CLIC4: variants seen among roughly 807,000 people sequenced by gnomAD.
CLIC4 encodes CLIC family member 4.
A neutral mutation model predicts 24.6 loss-of-function variants in CLIC4; 13 were observed. The ratio of observed to expected loss-of-function variants is 0.53; its 90% CI spans 0.34 to 0.84. The LOEUF (loss-of-function observed/expected upper bound fraction) is 0.84. Among genes scored for constraint, CLIC4 ranks in the 40% least tolerant of loss-of-function variants. CLIC4 has a pLI of 0.01. For synonymous variants in CLIC4, 104 were observed against 111.3 expected (o/e 0.93, Z 0.41); for missense variants, 227 against 301.7 (o/e 0.75, Z 1.83).
rs974317834 is a variant in CLIC4, at chr1:24,769,646, A to G, written c.72+24021A>G. ...TCACCCTGAAAAAAAAATTCTGAGAATATTTAAGGATATTTCTAAAACATA... is the reference window on the plus strand; with the variant it reads ...TCACCCTGAAAAAAAAATTCTGAGAGTATTTAAGGATATTTCTAAAACATA... On this transcript the variant is annotated intron_variant, in intron 1 of 5. Coordinates refer to ENST00000374379, the MANE Select transcript of CLIC4 (RefSeq NM_013943.3). Among the ~76,000 whole-genome samples, 3 of 152,164 alleles carry G rather than the reference A, an allele frequency of 2.0e-5. No homozygotes were observed. The South Asian group carries it at 6.2e-4, about 31-fold the overall frequency.
At chr1:24,768,427 TAAAG>T (rs755449091) in intron 1 of CLIC4, among the ~76,000 whole-genome samples, 5 of 152,204 alleles carry the variant, frequency 3.3e-5, no homozygotes, top group African/African-American at 9.7e-5. Context: ...ACATTTCTCT[TAAAG>T]AGAAGAGATT....
rs758409551 is a variant in CLIC4, at chr1:24,840,040, A to G, written c.596A>G (p.Lys199Arg). 2 of 1,613,794 alleles carry G rather than the reference A, an allele frequency of 1.2e-6. No homozygotes were observed. Among genetic ancestry groups the G allele is most frequent in the South Asian group, 2.2e-5 (2 of 91,038 alleles). Residue 199 changes from lysine (K) to arginine (R), a missense_variant and splice_region_variant, in exon 5 of 6, where the codon AAG becomes AGG. Transcript: ENST00000374379. ...CTGCTGCCCAAACTGCATATTGTCAAGGTAGGTCTGTAGGGGTTGATGTCG... is the reference window on the plus strand; with the variant it reads ...CTGCTGCCCAAACTGCATATTGTCAGGGTAGGTCTGTAGGGGTTGATGTCG... ...CNLLPKLHIV[K>R]VVAKKYRNFD... is the part of the protein sequence containing the mutation.
chr1:24,839,399 A>G (rs1164652849), intron 4 of CLIC4, among the ~76,000 whole-genome samples: 5 of 152,108 alleles, frequency 3.3e-5, no homozygotes, highest in Non-Finnish European at 7.4e-5. Context: ...TCCCGGGTTC[A>G]CGCCATTCTC....
At chr1:24,814,912 T>C (rs1639653251) in intron 3 of CLIC4, among the ~76,000 whole-genome samples, 1 of 152,242 alleles carries the variant, frequency 6.6e-6, no homozygotes, top group African/African-American at 2.4e-5. Context: ...TTCTTACTGG[T>C]TAACTTGACT....
chr1:24,825,707 A>G (rs867893066), intron 3 of CLIC4, among the ~76,000 whole-genome samples: 4 of 152,212 alleles, frequency 2.6e-5, no homozygotes, highest in Non-Finnish European at 5.9e-5. Context: ...ACTCTGCCCA[A>G]TATTTAGAAG....
In CLIC4 at chr1:24,771,852, A is replaced by G. The variant is rs549629613; in HGVS notation, c.73-25890A>G. On this transcript the variant is annotated intron_variant, in intron 1 of 5. Coordinates refer to ENST00000374379, the MANE Select transcript of CLIC4 (RefSeq NM_013943.3). ...AACTGGAAGGCCAGGTTCAAGTCCT[A>G]TGTGTATCCTAATTGATCTGCTACC... The G allele has an allele frequency of 2.0e-4, 105 of 514,848 alleles. 1 individual carries two copies. The highest frequency in any genetic ancestry group is 1.6e-4 in the South Asian group (11 of 70,900). The allele number at this position is 514,848 out of a possible 1,614,324, so 31.9% of individuals were successfully genotyped here.
chr1:24,797,149 T>C (rs1639414029), intron 1 of CLIC4, among the ~76,000 whole-genome samples: 1 of 151,122 alleles, frequency 6.6e-6, no homozygotes, highest in Admixed American at 6.6e-5. Flanking sequence ...AGATGGGGTT[T>C]CACCATATTG....
chr1:24,813,949 G>T, intron 2 of CLIC4, 145 bp from the exon 3 acceptor site: 2 of 859,676 alleles, frequency 2.3e-6, no homozygotes, highest in Non-Finnish European at 3.8e-6. Context: ...AAACTCCTGG[G>T]CTAAGCAGTG....
At chr1:24,758,603 C>G (rs1301749212) in intron 1 of CLIC4, among the ~76,000 whole-genome samples, 1 of 151,980 alleles carries the variant, frequency 6.6e-6, no homozygotes. Context: ...ACTAGAGACA[C>G]GTACCACCAT....
intron 1 of CLIC4, among the ~76,000 whole-genome samples, chr1:24,793,620 A>G (rs1269091346): frequency 6.6e-6 from 1 of 152,188 alleles, no homozygotes; most frequent in Non-Finnish European, 1.5e-5. Flanking sequence ...ACATTTTTGT[A>G]CAAGTTATAT....
At chr1:24,831,585 C>G (rs1571266281) in intron 4 of CLIC4, among the ~76,000 whole-genome samples, 1 of 152,160 alleles carries the variant, frequency 6.6e-6, no homozygotes, top group Admixed American at 6.5e-5. Flanking sequence ...GATCAAAGAA[C>G]AAGTCCTTGT....
chr1:24,816,320 A>G (rs1283932480), intron 3 of CLIC4, among the ~76,000 whole-genome samples: 3 of 141,516 alleles, frequency 2.1e-5, no homozygotes, highest in African/African-American at 5.2e-5. Flanking sequence ...GCTCACTGCA[A>G]CCTCCACCTC....
intron 4 of CLIC4, among the ~76,000 whole-genome samples, chr1:24,830,931 A>G (rs1639833826): frequency 6.6e-6 from 1 of 152,060 alleles, no homozygotes; most frequent in Admixed American, 6.6e-5. Flanking sequence ...CTTTGTGATG[A>G]TTGGTCTTGA....
chr1:24,792,015 C>T (rs1470737664), intron 1 of CLIC4, among the ~76,000 whole-genome samples: 1 of 147,068 alleles, frequency 6.8e-6, no homozygotes, highest in Non-Finnish European at 1.5e-5. Context: ...CACCACTGTA[C>T]TCCAGCCTGG....
chr1:24,756,957 A>T (rs1475881927), intron 1 of CLIC4, among the ~76,000 whole-genome samples: 1 of 149,280 alleles, frequency 6.7e-6, no homozygotes, highest in Admixed American at 6.7e-5. Flanking sequence ...GTGCAATGGC[A>T]CGATCTCTGC....
At chr1:24,801,154 C>G (rs1019166959) in intron 2 of CLIC4, among the ~76,000 whole-genome samples, 1 of 151,834 alleles carries the variant, frequency 6.6e-6, no homozygotes, top group Non-Finnish European at 1.5e-5. Flanking sequence ...AGTGTCACAA[C>G]ATGATTTGCT....
chr1:24,835,784 G>C (rs1639880381), intron 4 of CLIC4, among the ~76,000 whole-genome samples: 1 of 152,058 alleles, frequency 6.6e-6, no homozygotes, highest in South Asian at 2.1e-4. Context: ...TTTTAAAAAT[G>C]TAATCCATAG....
chr1:24,765,075 TGG>T (rs1638977286), intron 1 of CLIC4, among the ~76,000 whole-genome samples: 1 of 152,240 alleles, frequency 6.6e-6, no homozygotes, highest in Non-Finnish European at 1.5e-5. Context: ...ACTCACTGCC[TGG>T]GAGGCCTTTT....
At chr1:24,765,815 C>CTT (rs34506030) in intron 1 of CLIC4, among the ~76,000 whole-genome samples, 2,776 of 135,304 alleles carry the variant, frequency 0.021, 66 homozygotes, top group Non-Finnish European at 0.031. Flanking sequence ...TTCTTTCTTT[C>CTT]TTTTTTTTTT....
Sources: allele counts gnomAD v4.1 joint callset (sites outside exome capture counted in the v4.1 genomes callset), GRCh38; gene constraint gnomAD v4.1.1; transcripts MANE v1.5; gene names NCBI Gene and HGNC (gene_info 2026-07-23, HGNC 2026-07-21).